Variants in MGRN1 observed in about 807,000 individuals in gnomAD.
The protein encoded by MGRN1 is E3 ubiquitin-protein ligase MGRN1.
A neutral mutation model predicts 69.2 loss-of-function variants in MGRN1; 29 were observed. The observed-to-expected ratio is 0.42, with a 90% CI of 0.31 to 0.57. The LOEUF is 0.57. MGRN1 is among the 20% of genes least tolerant of loss of function. MGRN1 has a pLI of 0.15. For missense variants in MGRN1, 998 were observed against 796.2 expected, an observed-to-expected ratio of 1.25 and a Z score of -3.05; for synonymous variants, 470 against 344.2, an observed-to-expected ratio of 1.37 and a Z score of -4.04.
At chr16:4,646,193 G>C (rs2078271493) in intron 1 of MGRN1, among the ~76,000 whole-genome samples, 1 of 152,180 alleles carries the variant, frequency 6.6e-6, no homozygotes, top group African/African-American at 2.4e-5. Flanking sequence ...CACTTTGGGA[G>C]GCAAAGGTGG....
At chr16:4,661,095 C>T (rs1163162391) in intron 5 of MGRN1, among the ~76,000 whole-genome samples, 3 of 152,118 alleles carry the variant, frequency 2.0e-5, no homozygotes, top group Non-Finnish European at 4.4e-5. Flanking sequence ...ATCCTCTCAC[C>T]TCAACTTTCA....
intron 1 of MGRN1, among the ~76,000 whole-genome samples, chr16:4,644,518 C>G (rs1473323509): frequency 6.6e-6 from 1 of 152,136 alleles, no homozygotes; most frequent in South Asian, 2.1e-4. Flanking sequence ...CCATTATGGT[C>G]AGGCTGGTCT....
In MGRN1 at chr16:4,682,830, C is replaced by T. The variant is rs200301873; in HGVS notation, c.1366C>T (p.Arg456Trp). The change falls in exon 14 of 17, where the codon CGG (arginine) becomes TGG (tryptophan). Residue 456 changes from arginine (R) to tryptophan (W), a missense_variant. Physicochemically the swap from Arg to Trp is moderately radical, Grantham distance 101 (BLOSUM62 -3). Coordinates refer to ENST00000262370, the MANE Select transcript of MGRN1 (RefSeq NM_015246.4). The part of the protein sequence containing the change: ...PQSKAPDSTL[R>W]SPSSPIHEED... The stretch of plus-strand genomic sequence containing the variant: ...CCTCTCCTCTGTCCCCAGCACCCTA[C>T]GGTCCCCGTCTTCCCCCATCCACGA... 87 of 1,586,130 alleles carry T rather than the reference C, an allele frequency of 5.5e-5. No homozygotes were observed. The highest frequency in any genetic ancestry group is 7.4e-5 in the Non-Finnish European group (86 of 1,161,982).
intron 5 of MGRN1, among the ~76,000 whole-genome samples, chr16:4,661,186 G>A (rs1012013800): frequency 4.7e-5 from 7 of 150,448 alleles, no homozygotes; most frequent in African/African-American, 1.2e-4. Context: ...TCTATGTTGC[G>A]TAGGCTGGTC....
At position 4,683,973 on chromosome 16, in the gene MGRN1, G is replaced by T. The variant is rs368653914; in HGVS notation, c.1618+41G>T. 8 of 1,511,370 alleles carry T rather than the reference G, an allele frequency of 5.3e-6. No homozygotes were observed. The East Asian group carries it at 9.8e-5, about 19-fold the overall frequency. The allele number at this position is 1,511,370 out of a possible 1,614,324, so 93.6% of individuals were successfully genotyped here. A position where few individuals can be genotyped will look rare whatever the true frequency, so the allele number is the denominator to read the frequency against. ...TCTGGGGGTGAGGGGCTGGGTGCCT[G>T]TCTTAGTCCCCAGGGAGGGGGCCCT... On this transcript the variant is annotated intron_variant, in intron 16 of 16. Coordinates refer to ENST00000262370, the MANE Select transcript of MGRN1 (RefSeq NM_015246.4).
intron 5 of MGRN1, among the ~76,000 whole-genome samples, chr16:4,660,671 G>A (rs1320471378): frequency 1.3e-5 from 2 of 152,246 alleles, no homozygotes; most frequent in African/African-American, 4.8e-5. Flanking sequence ...CTAAAGGAGT[G>A]GCTGCCGGTG....
chr16:4,687,862 T>C, intron 16 of MGRN1: 1 of 985,518 alleles, frequency 1.0e-6, no homozygotes, highest in Non-Finnish European at 1.2e-6. Context: ...CATGAACCTC[T>C]GTCTTCTTGA....
chr16:4,679,917 C>T, intron 11 of MGRN1, 115 bp from the exon 12 acceptor site: 1 of 990,996 alleles, frequency 1.0e-6, no homozygotes, highest in South Asian at 1.4e-5. Flanking sequence ...CCCCCGGAAG[C>T]TTGTGAAGTT....
rs1035650397 is a variant in MGRN1, at chr16:4,668,426, C to G, written c.726+114C>G. On this transcript the variant is annotated intron_variant, in intron 8 of 16. Transcript: ENST00000262370. The stretch of plus-strand genomic sequence containing the variant: ...TCATACACACGCACATATACTCATA[C>G]ACGCTCATACACACTCATACACATT... 6.6e-5 allele frequency: 69 copies of G among 1,052,588 alleles called. No homozygotes were observed. The Middle Eastern group carries it at 1.0e-3, about 16-fold the overall frequency. 65.2% of individuals were successfully genotyped at this position (1,052,588 alleles called of 1,614,324 possible). A position where few individuals can be genotyped will look rare whatever the true frequency, so the allele number is the denominator to read the frequency against.
chr16:4,653,993 C>A (rs549752176), intron 4 of MGRN1, among the ~76,000 whole-genome samples: 1 of 152,176 alleles, frequency 6.6e-6, no homozygotes, highest in Non-Finnish European at 1.5e-5. Flanking sequence ...CTCAGGTGAT[C>A]CACCTGCCTC....
intron 1 of MGRN1, chr16:4,640,626 A>G (rs1237459973): frequency 6.6e-6 from 1 of 152,284 alleles, no homozygotes. Context: ...TTGGTTCCAC[A>G]TAGCCGGGAT....
chr16:4,665,835 AT>A (rs1040204819), intron 7 of MGRN1, among the ~76,000 whole-genome samples: 88 of 139,838 alleles, frequency 6.3e-4, no homozygotes, highest in Middle Eastern at 3.9e-3. Context: ...TGCCTGGCCA[AT>A]TTTTTTTTTT....
chr16:4,648,246 G>A (rs191878557), intron 1 of MGRN1, among the ~76,000 whole-genome samples: 26 of 151,784 alleles, frequency 1.7e-4, no homozygotes, highest in Non-Finnish European at 2.4e-4. Flanking sequence ...GACTCTTCCC[G>A]TGGTCACCCG....
chr16:4,672,946 C>T (rs1001881280), intron 9 of MGRN1, among the ~76,000 whole-genome samples: 3 of 152,210 alleles, frequency 2.0e-5, no homozygotes, highest in Non-Finnish European at 4.4e-5. Context: ...TCACGCCATT[C>T]TCCTGCCTCA....
chr16:4,633,348 C>T lies in MGRN1; in HGVS notation c.88+8300C>T, dbSNP rs548982531. Among the ~76,000 whole-genome samples the T allele has an allele frequency of 7.9e-5, 12 of 151,106 alleles. No homozygotes were observed. The East Asian group carries it at 1.4e-3, about 17-fold the overall frequency. ...AGCTTGCAGTGAGCTGAGATCACGCCACTGCATTCCAGCCTGGGCAACAGT... is the reference window on the plus strand; with the variant it reads ...AGCTTGCAGTGAGCTGAGATCACGCTACTGCATTCCAGCCTGGGCAACAGT... On this transcript the variant is annotated intron_variant, in intron 1 of 16. Coordinates refer to ENST00000262370, the MANE Select transcript of MGRN1 (RefSeq NM_015246.4).
In MGRN1 at chr16:4,688,409, C is replaced by T. The variant is rs567159975; in HGVS notation, c.1619-387C>T. ...CCCCACCCCTGCACCCTGGGTTGAC[C>T]GAGTTCCACCCTAACCCAGCCGTAA... is the stretch of plus-strand genomic sequence containing the variant. On this transcript the variant is annotated intron_variant, in intron 16 of 16. Transcript: ENST00000262370. 133 of 1,026,532 alleles carry T rather than the reference C, an allele frequency of 1.3e-4. No individual in the cohort carries two copies. The East Asian group carries it at 4.9e-3, about 38-fold the overall frequency. The allele number at this position is 1,026,532 out of a possible 1,614,324, so 63.6% of individuals were successfully genotyped here. A position where few individuals can be genotyped will look rare whatever the true frequency, so the allele number is the denominator to read the frequency against.
At chr16:4,630,120 G>C (rs1294823943) in intron 1 of MGRN1, among the ~76,000 whole-genome samples, 1 of 150,492 alleles carries the variant, frequency 6.6e-6, no homozygotes, top group East Asian at 2.0e-4. Context: ...GGGAGACTGA[G>C]ATGGGTGGAT....
At position 4,688,979 on chromosome 16, in the gene MGRN1, G is replaced by A. The variant is rs1166754848; in HGVS notation, c.*71G>A. ...TTGCCGAGGGGCTGCTCCGGACCCC[G>A]TTGTGAGCCGGCCTCCTGTCTGCAT... On this transcript the variant is annotated 3_prime_UTR_variant, in exon 17 of 17. Transcript: ENST00000262370. 92 of 1,463,478 alleles carry A rather than the reference G, an allele frequency of 6.3e-5. No individual in the cohort carries two copies. Among genetic ancestry groups the A allele is most frequent in the Non-Finnish European group, 7.1e-5 (78 of 1,102,072 alleles). 90.7% of individuals were successfully genotyped at this position (1,463,478 alleles called of 1,614,324 possible).
At chr16:4,673,748 C>G in intron 10 of MGRN1, 91 bp downstream of exon 10, 1 of 1,453,132 alleles carries the variant, frequency 6.9e-7, no homozygotes, top group Non-Finnish European at 9.3e-7. Context: ...GCCACAGGTC[C>G]GTTGATGGCT....
Sources: allele counts gnomAD v4.1 joint callset (sites outside exome capture counted in the v4.1 genomes callset), GRCh38; gene constraint gnomAD v4.1.1; transcripts MANE v1.5; gene names NCBI Gene and HGNC (gene_info 2026-07-23, HGNC 2026-07-21).